ERBB4: variants seen among roughly 807,000 people sequenced by gnomAD.
The protein encoded by ERBB4 is receptor tyrosine-protein kinase erbB-4.
In ERBB4, 42 loss-of-function variants were observed where a neutral mutation model predicts 158.0. The observed-to-expected ratio is 0.27, with a 90% CI of 0.21 to 0.34. ERBB4 has a LOEUF of 0.34. Ranked by LOEUF, ERBB4 falls within the 10% of genes least tolerant of loss-of-function variation. The pLI, the probability that ERBB4 is intolerant of heterozygous loss-of-function variation, is 1.00. For missense variants in ERBB4, 1,333 were observed against 1,624.1 expected, an observed-to-expected ratio of 0.82 and a Z score of 3.08; for synonymous variants, 583 against 558.7, an observed-to-expected ratio of 1.04 and a Z score of -0.61.
intron 25 of ERBB4, among the ~76,000 whole-genome samples, chr2:211,398,827 G>T (rs972030156): frequency 6.6e-6 from 1 of 152,104 alleles, no homozygotes; most frequent in Non-Finnish European, 1.5e-5. Context: ...TAAGACTCTG[G>T]CTCAGAAACA....
chr2:211,446,081 A>C, intron 20 of ERBB4, among the ~76,000 whole-genome samples: 1 of 152,206 alleles, frequency 6.6e-6, no homozygotes, highest in East Asian at 1.9e-4. Flanking sequence ...TAAATTGCGA[A>C]GCACTAACAT....
At chr2:211,982,989 G>T (rs1444444956) in intron 2 of ERBB4, among the ~76,000 whole-genome samples, 1 of 152,118 alleles carries the variant, frequency 6.6e-6, no homozygotes, top group Non-Finnish European at 1.5e-5. Flanking sequence ...TTTTAAAAAT[G>T]TTATATATTG....
intron 1 of ERBB4, among the ~76,000 whole-genome samples, chr2:212,254,689 C>A (rs187427694): frequency 2.3e-4 from 35 of 152,290 alleles, no homozygotes; most frequent in Non-Finnish European, 4.7e-4. Context: ...GATGGGAAAA[C>A]TTCCTAACCT....
chr2:212,117,920 A>G (rs898772891), intron 2 of ERBB4, among the ~76,000 whole-genome samples: 3 of 152,152 alleles, frequency 2.0e-5, no homozygotes, highest in African/African-American at 7.2e-5. Context: ...ATTTGAACAA[A>G]CTATTCAGTA....
intron 2 of ERBB4, among the ~76,000 whole-genome samples, chr2:211,950,415 T>A (rs1206404755): frequency 6.6e-6 from 1 of 152,170 alleles, no homozygotes; most frequent in African/African-American, 2.4e-5. Context: ...AACATATTCC[T>A]GAGGACTCCA....
intron 16 of ERBB4, among the ~76,000 whole-genome samples, chr2:211,653,678 TG>T (rs1195559264): frequency 6.6e-6 from 1 of 150,780 alleles, no homozygotes; most frequent in East Asian, 2.0e-4. Flanking sequence ...TTTTCTTTTT[TG>T]GGGGGGTTTG....
At chr2:211,644,878 T>G (rs1370521690) in intron 16 of ERBB4, among the ~76,000 whole-genome samples, 1 of 152,018 alleles carries the variant, frequency 6.6e-6, no homozygotes, top group East Asian at 1.9e-4. Context: ...ATTGCATATC[T>G]TTATTTTTGC....
In ERBB4 at chr2:211,830,946, T is replaced by C. The variant is rs113756082; in HGVS notation, c.422-42787A>G. ...CTAATACTGATGGTCATATATTCTA[T>C]AAAACTTAACATATACCAGGATGAA... On this transcript the variant is annotated intron_variant, in intron 3 of 27. Transcript: ENST00000342788. 7.2e-5 allele frequency among the ~76,000 whole-genome samples: 11 copies of C among 152,066 alleles called. 1 individual carries two copies. The highest frequency in any genetic ancestry group is 2.7e-4 in the African/African-American group (11 of 41,498).
chr2:211,629,151 A>T (rs1220205128), intron 17 of ERBB4, among the ~76,000 whole-genome samples: 1 of 152,138 alleles, frequency 6.6e-6, no homozygotes, highest in Non-Finnish European at 1.5e-5. Context: ...AAACCCAATC[A>T]TATCAGCCCC....
intron 25 of ERBB4, among the ~76,000 whole-genome samples, chr2:211,396,332 T>C (rs1227907470): frequency 6.6e-6 from 1 of 152,180 alleles, no homozygotes; most frequent in Non-Finnish European, 1.5e-5. Flanking sequence ...TTGTTTTTCT[T>C]ATGTTTCACA....
intron 4 of ERBB4, among the ~76,000 whole-genome samples, chr2:211,765,795 T>C (rs1343488425): frequency 1.3e-5 from 2 of 152,226 alleles, no homozygotes; most frequent in African/African-American, 2.4e-5. Flanking sequence ...AAATTTATCA[T>C]TGTATTTTTT....
At chr2:211,661,922 C>T (rs1367572895) in intron 15 of ERBB4, among the ~76,000 whole-genome samples, 8 of 147,396 alleles carry the variant, frequency 5.4e-5, no homozygotes, top group African/African-American at 2.0e-4. Context: ...GCCTGTAGTC[C>T]CAGCTACTCG....
At chr2:211,955,808 G>A (rs1166683277) in intron 2 of ERBB4, among the ~76,000 whole-genome samples, 2 of 152,040 alleles carry the variant, frequency 1.3e-5, no homozygotes, top group Non-Finnish European at 2.9e-5. Flanking sequence ...TGCTGGGTAG[G>A]AATCCCTGAA....
Position 211,719,355 on chromosome 2 carries a change from C to T in ERBB4, c.883+3038G>A, listed in dbSNP as rs993062911. 2.2e-4 allele frequency among the ~76,000 whole-genome samples: 34 copies of T among 152,052 alleles called. 1 individual carries two copies. Among genetic ancestry groups the T allele is most frequent in the Admixed American group, 2.0e-3 (31 of 15,284 alleles). ...GGACTCTGAAGGATTATTTTTTTCT[C>T]ACCTGACATAGGGAATCTTTCCAAG... On this transcript the variant is annotated intron_variant, in intron 7 of 27. Coordinates refer to ENST00000342788, the MANE Select transcript of ERBB4 (RefSeq NM_005235.3).
At chr2:212,319,291 G>T (rs942812326) in intron 1 of ERBB4, among the ~76,000 whole-genome samples, 2 of 138,290 alleles carry the variant, frequency 1.4e-5, no homozygotes, top group Non-Finnish European at 3.4e-5. Context: ...CCTCCTTCCC[G>T]CAGGAGTCTA....
At chr2:212,351,695 T>C (rs1351878359) in intron 1 of ERBB4, among the ~76,000 whole-genome samples, 1 of 152,170 alleles carries the variant, frequency 6.6e-6, no homozygotes, top group East Asian at 1.9e-4. Flanking sequence ...CCACAATAGC[T>C]ATTGGCAAGA....
At chr2:212,190,352 G>C (rs533520217) in intron 1 of ERBB4, among the ~76,000 whole-genome samples, 59 of 152,138 alleles carry the variant, frequency 3.9e-4, no homozygotes, top group Admixed American at 1.0e-3. Context: ...CTGGCTAACA[G>C]GGTGAAACCC....
At chr2:211,597,366 T>C (rs2068665819) in intron 19 of ERBB4, among the ~76,000 whole-genome samples, 1 of 152,232 alleles carries the variant, frequency 6.6e-6, no homozygotes, top group Admixed American at 6.5e-5. Flanking sequence ...TGCATTTCTA[T>C]GAGTGTATAT....
Position 212,127,380 on chromosome 2 carries a change from C to T in ERBB4, c.83-2477G>A, listed in dbSNP as rs1333992767. ...GGCCAAGGTGGGCGGATCACGAGGT[C>T]AGGAGATCGAGACCATCCTGGTCAA... On this transcript the variant is annotated intron_variant, in intron 1 of 27. Coordinates refer to ENST00000342788, the MANE Select transcript of ERBB4 (RefSeq NM_005235.3). Among the ~76,000 whole-genome samples, 3 of 152,160 alleles carry T rather than the reference C, an allele frequency of 2.0e-5. No individual in the cohort carries two copies. In the South Asian group the frequency reaches 6.2e-4, roughly 32 times the overall value.
Sources: gnomAD v4.1 joint callset for allele counts (sites outside exome capture counted in the v4.1 genomes callset) on GRCh38, gnomAD v4.1.1 for gene constraint, MANE v1.5 for transcripts, NCBI Gene and HGNC (gene_info 2026-07-23, HGNC 2026-07-21) for gene names.